The following IMMP2L variants were observed in gnomAD, a reference collection of about 807,000 sequenced individuals.
IMMP2L encodes inner mitochondrial membrane peptidase subunit 2.
Under a neutral mutation model 19.3 loss-of-function variants are expected in IMMP2L, and 18 were observed. That is an observed-to-expected ratio of 0.93 (90% CI 0.64 to 1.38). The LOEUF (loss-of-function observed/expected upper bound fraction) is 1.38. Ranked by LOEUF, IMMP2L falls within the 40% of genes most tolerant of loss-of-function variation. The probability of loss-of-function intolerance (pLI) is 0.00; values close to 1 mark genes in which losing one functional copy is unlikely to be tolerated. For synonymous variants in IMMP2L, 76 were observed against 73.0 expected, an observed-to-expected ratio of 1.04 and a Z score of -0.21; for missense variants, 233 against 218.2, an observed-to-expected ratio of 1.07 and a Z score of -0.43.
chr7:111,505,166 T>G (rs1300935961), intron 2 of IMMP2L, among the ~76,000 whole-genome samples: 2 of 151,248 alleles, frequency 1.3e-5, no homozygotes, highest in Non-Finnish European at 2.9e-5. Context: ...GGGCAAAGGA[T>G]ATGAACAGAC....
At chr7:110,955,288 G>T (rs1477561249) in intron 4 of IMMP2L, among the ~76,000 whole-genome samples, 1 of 151,814 alleles carries the variant, frequency 6.6e-6, no homozygotes, top group Non-Finnish European at 1.5e-5. Context: ...GGTATAGGTT[G>T]TCTACTAATC....
intron 3 of IMMP2L, among the ~76,000 whole-genome samples, chr7:111,114,367 A>G (rs1799596501): frequency 6.6e-6 from 1 of 152,156 alleles, no homozygotes; most frequent in Non-Finnish European, 1.5e-5. Flanking sequence ...AATAAGCATG[A>G]AAAACTAAAA....
chr7:110,906,584 G>C (rs1812473807), intron 4 of IMMP2L, among the ~76,000 whole-genome samples: 2 of 152,116 alleles, frequency 1.3e-5, no homozygotes, highest in South Asian at 4.1e-4. Context: ...TATGAACAGC[G>C]CTTCGGAACA....
rs1013395090 is a variant in IMMP2L at position 110,762,578 on chromosome 7, C to T, written c.409-98857G>A. Among the ~76,000 whole-genome samples the T allele has an allele frequency of 3.3e-5, 5 of 152,138 alleles. No individual in the cohort carries two copies. In the South Asian group the frequency reaches 8.3e-4, roughly 25 times the overall value. On this transcript the variant is annotated intron_variant, in intron 5 of 5. Transcript: ENST00000405709. ...TATTTATCCTTCACTCTTTTGTATC[C>T]TTCTTGACCTCTTCACAAGCACCAA... is the stretch of plus-strand genomic sequence containing the variant.
chr7:111,518,766 A>G (rs1157993365), intron 2 of IMMP2L, among the ~76,000 whole-genome samples: 1 of 152,122 alleles, frequency 6.6e-6, no homozygotes, highest in Non-Finnish European at 1.5e-5. Context: ...TAAATTATCT[A>G]TTATACCTAG....
intron 3 of IMMP2L, among the ~76,000 whole-genome samples, chr7:111,481,029 T>C (rs907496851): frequency 7.2e-5 from 11 of 152,170 alleles, no homozygotes; most frequent in African/African-American, 2.7e-4. Flanking sequence ...CAAATCTTTA[T>C]GACTCTTTGT....
chr7:111,288,685 C>T (rs1299310096), intron 3 of IMMP2L, among the ~76,000 whole-genome samples: 1 of 152,056 alleles, frequency 6.6e-6, no homozygotes, highest in Non-Finnish European at 1.5e-5. Context: ...CATCACTGGT[C>T]GTTAGAGAAA....
intron 3 of IMMP2L, among the ~76,000 whole-genome samples, chr7:111,133,136 G>C (rs1802007467): frequency 6.6e-6 from 1 of 151,952 alleles, no homozygotes; most frequent in Admixed American, 6.6e-5. Flanking sequence ...ATTTATTGAA[G>C]ATCTACTGTG....
At chr7:110,906,593 C>T (rs1585214749) in intron 4 of IMMP2L, among the ~76,000 whole-genome samples, 2 of 152,222 alleles carry the variant, frequency 1.3e-5, no homozygotes, top group Middle Eastern at 6.8e-3. Context: ...CGCTTCGGAA[C>T]ACAGACTCTG....
At chr7:111,271,136 T>C (rs764605759) in intron 3 of IMMP2L, among the ~76,000 whole-genome samples, 27 of 152,048 alleles carry the variant, frequency 1.8e-4, no homozygotes, top group Non-Finnish European at 3.2e-4. Flanking sequence ...TGAGATCTAA[T>C]GGTTTTATAA....
chr7:110,786,407 A>T (rs983393331), intron 5 of IMMP2L, among the ~76,000 whole-genome samples: 3 of 151,960 alleles, frequency 2.0e-5, no homozygotes, highest in Non-Finnish European at 4.4e-5. Context: ...CGGAGTAAAG[A>T]TGCTAAAAAT....
chr7:111,461,497 T>C (rs1333932370), intron 3 of IMMP2L, among the ~76,000 whole-genome samples: 1 of 151,892 alleles, frequency 6.6e-6, no homozygotes, highest in African/African-American at 2.4e-5. Context: ...CCCTAAAGAG[T>C]TGTAATCATT....
chr7:110,721,558 C>CA (rs543842554), intron 5 of IMMP2L, among the ~76,000 whole-genome samples: 5 of 151,630 alleles, frequency 3.3e-5, no homozygotes, highest in African/African-American at 7.3e-5. Flanking sequence ...AAACAAAAAA[C>CA]AAAAAAACAC....
intron 3 of IMMP2L, among the ~76,000 whole-genome samples, chr7:111,389,094 T>C (rs1401154213): frequency 6.6e-6 from 1 of 152,062 alleles, no homozygotes; most frequent in East Asian, 1.9e-4. Context: ...AAGTACAAGA[T>C]AAGCTTGAAC....
intron 3 of IMMP2L, among the ~76,000 whole-genome samples, chr7:111,383,019 A>G (rs1831356203): frequency 6.6e-6 from 1 of 152,038 alleles, no homozygotes; most frequent in Non-Finnish European, 1.5e-5. Flanking sequence ...CCAGTCATCT[A>G]TACTCTACTA....
At chr7:111,189,608 A>T (rs1808650048) in intron 3 of IMMP2L, among the ~76,000 whole-genome samples, 1 of 152,134 alleles carries the variant, frequency 6.6e-6, no homozygotes, top group Non-Finnish European at 1.5e-5. Context: ...AAACTCTACA[A>T]ATACTGAAGA....
At chr7:111,402,737 T>C (rs1833543692) in intron 3 of IMMP2L, among the ~76,000 whole-genome samples, 1 of 151,702 alleles carries the variant, frequency 6.6e-6, no homozygotes, top group Admixed American at 6.6e-5. Context: ...AAAGCTTCAA[T>C]TTACTATAAA....
intron 3 of IMMP2L, among the ~76,000 whole-genome samples, chr7:111,276,639 C>A: frequency 7.6e-6 from 1 of 132,292 alleles, no homozygotes. Flanking sequence ...TCATGTGGAA[C>A]CGAAAAAAAA....
intron 5 of IMMP2L, among the ~76,000 whole-genome samples, chr7:110,848,160 G>A (rs1256832754): frequency 6.6e-6 from 1 of 152,104 alleles, no homozygotes; most frequent in Non-Finnish European, 1.5e-5. Flanking sequence ...TAAAAGAAAT[G>A]TCTGATAGAG....
Sources: gnomAD v4.1 joint callset for allele counts (sites outside exome capture counted in the v4.1 genomes callset) on GRCh38, gnomAD v4.1.1 for gene constraint, MANE v1.5 for transcripts, NCBI Gene and HGNC (gene_info 2026-07-23, HGNC 2026-07-21) for gene names.